The following RANBP2 variants were observed in gnomAD, a reference collection of about 807,000 sequenced individuals.
RANBP2 encodes RAN binding protein 2, also known as E3 SUMO-protein ligase RanBP2.
RANBP2 carries 57 observed loss-of-function variants against 303.6 expected under a neutral mutation model. The observed-to-expected ratio is 0.19, with a 90% CI of 0.15 to 0.23. The LOEUF is 0.23. Ranked by LOEUF, RANBP2 falls within the 10% of genes least tolerant of loss-of-function variation. The pLI, the probability that RANBP2 is intolerant of heterozygous loss-of-function variation, is 1.00. For synonymous variants in RANBP2, 1,167 were observed against 1,301.5 expected (o/e 0.90, Z 2.23); for missense variants, 3,138 against 3,780.8 (o/e 0.83, Z 4.46).
the RANBP2 span, among the ~76,000 whole-genome samples, chr2:109,569,605 G>A: frequency 3.3e-5 from 5 of 152,018 alleles, no homozygotes; most frequent in African/African-American, 1.2e-4. Flanking sequence ...AAACTTTCCA[G>A]CAATCCTAAG....
the RANBP2 span, among the ~76,000 whole-genome samples, chr2:109,546,546 A>G: frequency 3.9e-5 from 6 of 152,124 alleles, no homozygotes; most frequent in Admixed American, 3.3e-4. Context: ...AAAACTTCTT[A>G]AAGTCTCTCA....
downstream of RANBP2, among the ~76,000 whole-genome samples, chr2:108,786,253 T>C (rs925551856): frequency 2.3e-3 from 128 of 55,726 alleles, no homozygotes; most frequent in African/African-American, 0.012. Context: ...CAGCTTTCCC[T>C]TTTTTTTTTT....
the RANBP2 span, among the ~76,000 whole-genome samples, chr2:109,726,058 GGTGT>G: frequency 0.016 from 2,130 of 137,084 alleles, 48 homozygotes; most frequent in African/African-American, 0.051. Context: ...TTTTGCTTTT[GGTGT>G]GTGTGTGTGT....
chr2:109,022,951 TGAGG>T, the RANBP2 span, among the ~76,000 whole-genome samples: 1 of 152,030 alleles, frequency 6.6e-6, no homozygotes, highest in East Asian at 1.9e-4. Flanking sequence ...CTCAGCAGGC[TGAGG>T]CAGGAGAATC....
At chr2:108,884,440 G>C in the RANBP2 span, 1 of 152,214 alleles carries the variant, frequency 6.6e-6, no homozygotes, top group Admixed American at 6.5e-5. Context: ...TGTGAGAAAA[G>C]GAAACCTCTG....
At chr2:109,247,704 A>G in the RANBP2 span, among the ~76,000 whole-genome samples, 14 of 152,176 alleles carry the variant, frequency 9.2e-5, no homozygotes, top group African/African-American at 3.4e-4. Flanking sequence ...CATCTTCTAT[A>G]TGTTTTTCCC....
chr2:109,235,602 C>T, the RANBP2 span, among the ~76,000 whole-genome samples: 1 of 152,188 alleles, frequency 6.6e-6, no homozygotes, highest in Non-Finnish European at 1.5e-5. Flanking sequence ...ATGGCATGGG[C>T]CTCGAAGGCT....
At chr2:109,659,332 G>C in the RANBP2 span, among the ~76,000 whole-genome samples, 1 of 151,898 alleles carries the variant, frequency 6.6e-6, no homozygotes, top group Non-Finnish European at 1.5e-5. Flanking sequence ...CCAAGATCAC[G>C]CCATTGCACT....
chr2:109,530,562 G>A, the RANBP2 span, among the ~76,000 whole-genome samples: 66 of 152,236 alleles, frequency 4.3e-4, no homozygotes, highest in Admixed American at 2.9e-3. Context: ...CTTTGTGTAA[G>A]AAATACCGGA....
the RANBP2 span, among the ~76,000 whole-genome samples, chr2:109,062,669 T>C: frequency 6.6e-6 from 1 of 152,186 alleles, no homozygotes; most frequent in African/African-American, 2.4e-5. Flanking sequence ...CAGCAGGCCT[T>C]ACACCTCCTT....
At chr2:109,692,335 C>G in the RANBP2 span, among the ~76,000 whole-genome samples, 40,404 of 151,742 alleles carry the variant, frequency 0.27, 5,708 homozygotes, top group South Asian at 0.44. Flanking sequence ...AGGGGTGGCA[C>G]ATCTCCTTGG....
At chr2:109,064,829 G>T in the RANBP2 span, among the ~76,000 whole-genome samples, 1 of 152,136 alleles carries the variant, frequency 6.6e-6, no homozygotes, top group East Asian at 1.9e-4. Flanking sequence ...TATTGATCCA[G>T]TCCTGTTTGA....
chr2:108,911,642 C>T, the RANBP2 span, among the ~76,000 whole-genome samples: 1 of 152,190 alleles, frequency 6.6e-6, no homozygotes, highest in African/African-American at 2.4e-5. Flanking sequence ...GGATTTTGCT[C>T]AGTTCCCAGG....
At chr2:109,461,715 T>C in the RANBP2 span, among the ~76,000 whole-genome samples, 1 of 152,214 alleles carries the variant, frequency 6.6e-6, no homozygotes, top group African/African-American at 2.4e-5. Context: ...GTAGCATCCC[T>C]GTCTGCCACA....
chr2:109,284,117 C>T, the RANBP2 span, among the ~76,000 whole-genome samples: 14 of 152,260 alleles, frequency 9.2e-5, no homozygotes, highest in Admixed American at 7.8e-4. Context: ...AGACCTTGAA[C>T]GAACACATCC....
chr2:108,864,725 C>T, the RANBP2 span, among the ~76,000 whole-genome samples: 3 of 146,710 alleles, frequency 2.0e-5, no homozygotes, highest in Admixed American at 7.1e-5. Context: ...ACCCAGGAGG[C>T]GGAGGTTGCA....
the RANBP2 span, among the ~76,000 whole-genome samples, chr2:109,231,022 C>T: frequency 6.6e-6 from 1 of 152,222 alleles, no homozygotes. Context: ...TTAATTGTCA[C>T]AGTTCCTGAA....
At chr2:109,412,275 C>A in the RANBP2 span, among the ~76,000 whole-genome samples, 5 of 152,250 alleles carry the variant, frequency 3.3e-5, no homozygotes, top group Non-Finnish European at 7.3e-5. Context: ...GCCCCCCTTT[C>A]ATTGGAGTAT....
chr2:109,211,998 T>A, the RANBP2 span, among the ~76,000 whole-genome samples: 1 of 152,228 alleles, frequency 6.6e-6, no homozygotes, highest in Admixed American at 6.5e-5. Context: ...TGCCACTGAA[T>A]TCAATAAATG....
Sources: allele counts gnomAD v4.1 joint callset (sites outside exome capture counted in the v4.1 genomes callset), GRCh38; gene constraint gnomAD v4.1.1; transcripts MANE v1.5; gene names NCBI Gene and HGNC (gene_info 2026-07-23, HGNC 2026-07-21).